TANGO6: variants seen among roughly 807,000 people sequenced by gnomAD.
TANGO6 encodes transport and Golgi organization protein 6 homolog.
A neutral mutation model predicts 114.2 loss-of-function variants in TANGO6; 90 were observed. The ratio of observed to expected loss-of-function variants is 0.79; its 90% confidence interval spans 0.66 to 0.94. The LOEUF (loss-of-function observed/expected upper bound fraction) is 0.94. Among genes scored for constraint, TANGO6 ranks in the 40% least tolerant of loss-of-function variants. The probability of loss-of-function intolerance (pLI) is 0.00; values close to 1 mark genes in which losing one functional copy is unlikely to be tolerated. For missense variants in TANGO6, 1,274 were observed against 1,315.3 expected (o/e 0.97, Z 0.49); for synonymous variants, 477 against 509.8 (o/e 0.94, Z 0.87).
At chr16:69,078,347 C>G (rs1597082552) in intron 17 of TANGO6, among the ~76,000 whole-genome samples, 1 of 152,322 alleles carries the variant, frequency 6.6e-6, no homozygotes, top group South Asian at 2.1e-4. Context: ...TGGAAAGGCT[C>G]TTGCTCTCTT....
chr16:68,973,529 G>C (rs1310073177), intron 14 of TANGO6, among the ~76,000 whole-genome samples: 3 of 152,162 alleles, frequency 2.0e-5, no homozygotes, highest in Admixed American at 6.5e-5. Flanking sequence ...TACACATTTA[G>C]AAGGCGCTGC....
chr16:68,919,307 A>G, intron 12 of TANGO6, 88 bp downstream of exon 12: 1 of 1,493,130 alleles, frequency 6.7e-7, no homozygotes, highest in Non-Finnish European at 9.1e-7. Context: ...TGTGAGAAAT[A>G]AGAATGGATA....
chr16:69,031,826 T>C (rs1959598514), intron 16 of TANGO6, among the ~76,000 whole-genome samples: 3 of 151,652 alleles, frequency 2.0e-5, no homozygotes, highest in African/African-American at 7.3e-5. Context: ...CCCAGCTAAT[T>C]TTTTTTGTAT....
chr16:69,012,298 T>A (rs1964149005), intron 15 of TANGO6, among the ~76,000 whole-genome samples: 1 of 152,142 alleles, frequency 6.6e-6, no homozygotes, highest in Non-Finnish European at 1.5e-5. Flanking sequence ...GGCTCACGCC[T>A]GTAATCCCAG....
intron 16 of TANGO6, among the ~76,000 whole-genome samples, chr16:69,036,637 A>G (rs1959691408): frequency 6.6e-6 from 1 of 152,090 alleles, no homozygotes; most frequent in African/African-American, 2.4e-5. Flanking sequence ...CTCCTCTCTC[A>G]GTCATACCTT....
chr16:68,936,811 A>T (rs79612081), intron 14 of TANGO6, among the ~76,000 whole-genome samples: 4 of 116,478 alleles, frequency 3.4e-5, no homozygotes, highest in East Asian at 2.7e-4. Context: ...AGAAAAAAAT[A>T]AAAAAAAAAA....
chr16:68,982,872 T>C (rs1473574720), intron 15 of TANGO6, among the ~76,000 whole-genome samples: 1 of 152,080 alleles, frequency 6.6e-6, no homozygotes, highest in African/African-American at 2.4e-5. Context: ...TAAATTATCC[T>C]TTGTATTTAG....
intron 15 of TANGO6, among the ~76,000 whole-genome samples, chr16:68,981,100 T>C (rs559018909): frequency 2.8e-4 from 43 of 152,292 alleles, no homozygotes; most frequent in Middle Eastern, 3.4e-3. Flanking sequence ...GTTGTTAAAT[T>C]ACCAATCATT....
chr16:69,002,912 C>T (rs779707969), intron 15 of TANGO6, among the ~76,000 whole-genome samples: 3 of 151,872 alleles, frequency 2.0e-5, no homozygotes, highest in Non-Finnish European at 4.4e-5. Context: ...TCTGGTGGCA[C>T]ACACCTATAG....
chr16:69,081,139 AAAAT>A (rs767315607), intron 17 of TANGO6, among the ~76,000 whole-genome samples: 26 of 152,146 alleles, frequency 1.7e-4, no homozygotes, highest in Admixed American at 3.9e-4. Context: ...TTCCGTCCCA[AAAAT>A]AAATAAATAA....
chr16:68,916,115 T>A (rs1325649097), intron 11 of TANGO6, among the ~76,000 whole-genome samples: 1 of 152,160 alleles, frequency 6.6e-6, no homozygotes, highest in Non-Finnish European at 1.5e-5. Flanking sequence ...CTATATAAAA[T>A]CTTGTCTAGG....
chr16:68,937,505 C>T (rs567731173), intron 14 of TANGO6: 1 of 152,270 alleles, frequency 6.6e-6, no homozygotes, highest in East Asian at 1.9e-4. Context: ...AATTTTAAAA[C>T]ATTTTTATCA....
At chr16:69,020,904 ATG>A (rs34350425) in intron 15 of TANGO6, among the ~76,000 whole-genome samples, 3,124 of 87,156 alleles carry the variant, frequency 0.036, 34 homozygotes, top group East Asian at 0.045. Flanking sequence ...ATATGTATGT[ATG>A]TGTGTGTGTG....
At chr16:68,965,290 G>C (rs567431097) in intron 14 of TANGO6, among the ~76,000 whole-genome samples, 1 of 152,102 alleles carries the variant, frequency 6.6e-6, no homozygotes, top group African/African-American at 2.4e-5. Flanking sequence ...CTCCTGAGTA[G>C]CTGGGATTAC....
chr16:68,895,783 C>T (rs1314924949), intron 7 of TANGO6, among the ~76,000 whole-genome samples: 2 of 152,010 alleles, frequency 1.3e-5, no homozygotes, highest in Admixed American at 1.3e-4. Context: ...CATTAGGATG[C>T]ATAGCTGTGC....
chr16:68,903,060 T>C (rs1477253655), intron 9 of TANGO6, among the ~76,000 whole-genome samples: 1 of 152,216 alleles, frequency 6.6e-6, no homozygotes, highest in African/African-American at 2.4e-5. Context: ...TCTAATGTTA[T>C]TACCTCAGAA....
chr16:68,843,954 C>T (rs577788081), intron 1 of TANGO6, among the ~76,000 whole-genome samples: 4 of 152,330 alleles, frequency 2.6e-5, no homozygotes, highest in Non-Finnish European at 2.9e-5. Context: ...GAGCATTTGC[C>T]TTGTGCTGGG....
intron 15 of TANGO6, among the ~76,000 whole-genome samples, chr16:68,990,076 C>T (rs1442387993): frequency 6.6e-6 from 1 of 152,100 alleles, no homozygotes; most frequent in Non-Finnish European, 1.5e-5. Context: ...CTCTGTCACT[C>T]AGGCTGGAGT....
At chr16:69,070,647 CAAA>C (rs947984107) in intron 17 of TANGO6, among the ~76,000 whole-genome samples, 16 of 140,570 alleles carry the variant, frequency 1.1e-4, no homozygotes, top group Non-Finnish European at 2.4e-4. Flanking sequence ...AAAAAAAAAA[CAAA>C]AAAACACACA....
Sources: gnomAD v4.1 joint callset for allele counts (sites outside exome capture counted in the v4.1 genomes callset) on GRCh38, gnomAD v4.1.1 for gene constraint, MANE v1.5 for transcripts, NCBI Gene and HGNC (gene_info 2026-07-23, HGNC 2026-07-21) for gene names.